The following ADCK1 variants were observed in gnomAD, a reference collection of about 807,000 sequenced individuals.
ADCK1 encodes the protein aarF domain containing kinase 1.
ADCK1 carries 41 observed loss-of-function variants against 52.3 expected under a neutral mutation model. The observed-to-expected ratio is 0.78, with a 90% CI of 0.61 to 1.02. The LOEUF is 1.02. Among genes scored for constraint, ADCK1 ranks in the 50% least tolerant of loss-of-function variants. ADCK1 has a pLI of 0.00. For missense variants in ADCK1, 658 were observed against 679.5 expected, an observed-to-expected ratio of 0.97 and a Z score of 0.35; for synonymous variants, 250 against 274.6, an observed-to-expected ratio of 0.91 and a Z score of 0.89.
intron 3 of ADCK1, among the ~76,000 whole-genome samples, chr14:77,837,935 C>A (rs764172839): frequency 9.2e-5 from 14 of 152,148 alleles, no homozygotes; most frequent in Admixed American, 2.0e-4. Flanking sequence ...GTGGCCACAG[C>A]TCCAAAATGC....
intron 2 of ADCK1, among the ~76,000 whole-genome samples, chr14:77,821,394 CT>C (rs1050331824): frequency 1.3e-5 from 2 of 152,130 alleles, no homozygotes; most frequent in Non-Finnish European, 1.5e-5. Flanking sequence ...TAGGATAAAG[CT>C]TTGTAGAGTG....
intron 3 of ADCK1, among the ~76,000 whole-genome samples, chr14:77,849,719 T>TA (rs1295499845): frequency 6.6e-6 from 1 of 152,164 alleles, no homozygotes; most frequent in Non-Finnish European, 1.5e-5. Context: ...CCCTAAGTGC[T>TA]AGGATTACAG....
At chr14:77,823,177 A>G (rs573668961) in intron 3 of ADCK1, among the ~76,000 whole-genome samples, 38 of 152,248 alleles carry the variant, frequency 2.5e-4, no homozygotes, top group African/African-American at 9.1e-4. Flanking sequence ...ATCAAACAAG[A>G]GGGCATTTTT....
chr14:77,922,543 C>A (rs61992964), intron 7 of ADCK1, among the ~76,000 whole-genome samples: 41,347 of 152,066 alleles, frequency 0.27, 6,038 homozygotes, highest in East Asian at 0.4. Flanking sequence ...TTCCCAGTGA[C>A]CCCTGAGAGT....
intron 1 of ADCK1, among the ~76,000 whole-genome samples, chr14:77,805,390 T>A (rs2081202109): frequency 6.7e-6 from 1 of 149,134 alleles, no homozygotes; most frequent in Non-Finnish European, 1.5e-5. Flanking sequence ...GCCTCCCGAG[T>A]AACTGGGATT....
At chr14:77,914,094 T>C (rs61990752) in intron 7 of ADCK1, among the ~76,000 whole-genome samples, 21,484 of 152,122 alleles carry the variant, frequency 0.14, 1,739 homozygotes, top group African/African-American at 0.19. Context: ...TCAGAGGTGC[T>C]GGAGTCCCTC....
In ADCK1 at chr14:77,925,761, T is replaced by C; in HGVS notation, c.1009-3T>C. 2 of 1,614,022 alleles carry C rather than the reference T, an allele frequency of 1.2e-6. No homozygotes were observed. The highest frequency in any genetic ancestry group is 2.2e-5 in the South Asian group (2 of 91,084). ...GGTCCCACCGCTGCCGCCTCCACCC[T>C]AGATGCTCACGGAAGAATTCCGCCT... is the stretch of plus-strand genomic sequence containing the variant. On this transcript the variant is annotated splice_polypyrimidine_tract_variant and splice_region_variant and intron_variant, in intron 8 of 10. Coordinates refer to ENST00000238561, the MANE Select transcript of ADCK1 (RefSeq NM_020421.4).
At chr14:77,871,850 A>G (rs1489342140) in intron 4 of ADCK1, among the ~76,000 whole-genome samples, 3 of 152,092 alleles carry the variant, frequency 2.0e-5, no homozygotes, top group Non-Finnish European at 2.9e-5. Context: ...TATTATTCCT[A>G]TTTCACAGAG....
intron 9 of ADCK1, 147 bp downstream of exon 9, chr14:77,926,108 A>G: frequency 3.1e-6 from 3 of 960,202 alleles, no homozygotes; most frequent in Non-Finnish European, 4.6e-6. Flanking sequence ...TATATTGGAC[A>G]AGAAGAGAAA....
chr14:77,819,079 T>G lies in ADCK1; in HGVS notation c.101T>G (p.Phe34Cys). 6.2e-7 allele frequency: 1 copy of G among 1,613,880 alleles called. No homozygotes were observed. Among genetic ancestry groups the G allele is most frequent in the South Asian group, 1.1e-5 (1 of 91,052 alleles). ...YSNKYLDPNDFGAVRVGRAVA... is the reference protein window; with the variant it reads ...YSNKYLDPNDCGAVRVGRAVA... ...AACAAGTACTTGGACCCTAATGACT[T>G]TGGCGCTGTCAGGGTGGGCAGAGCA... The change falls in exon 2 of 11, where the codon TTT becomes TGT. Residue 34 changes from phenylalanine (F) to cysteine (C), a missense_variant. Phe to Cys is a radical substitution (Grantham distance 205, BLOSUM62 -2). Transcript: ENST00000238561.
At chr14:77,911,146 A>G (rs1008138287) in intron 7 of ADCK1, among the ~76,000 whole-genome samples, 6 of 152,194 alleles carry the variant, frequency 3.9e-5, no homozygotes, top group Admixed American at 3.9e-4. Flanking sequence ...CCTATACAGT[A>G]TATATTATTA....
chr14:77,815,608 C>A (rs1196754169), intron 1 of ADCK1, among the ~76,000 whole-genome samples: 1 of 151,352 alleles, frequency 6.6e-6, no homozygotes, highest in Non-Finnish European at 1.5e-5. Context: ...CAACCTCCGC[C>A]TCCTGGGTTA....
intron 10 of ADCK1, among the ~76,000 whole-genome samples, chr14:77,932,026 TTTTA>T (rs939011891): frequency 7.2e-5 from 11 of 152,180 alleles, no homozygotes; most frequent in African/African-American, 2.4e-4. Context: ...TCTCAGATCT[TTTTA>T]TTTATTTATT....
At chr14:77,819,718 GACA>G (rs2081540728) in intron 2 of ADCK1, among the ~76,000 whole-genome samples, 2 of 152,198 alleles carry the variant, frequency 1.3e-5, no homozygotes, top group South Asian at 2.1e-4. Context: ...TAATTCTGCT[GACA>G]ACAACTCTCC....
chr14:77,907,768 C>T (rs969950590), intron 6 of ADCK1, 35 bp from the exon 7 acceptor site: 90 of 1,547,146 alleles, frequency 5.8e-5, no homozygotes, highest in Non-Finnish European at 7.5e-5. Context: ...TTCCCAGCTT[C>T]CCCAGACCAT....
At position 77,931,660 on chromosome 14, in the gene ADCK1, G is replaced by C; in HGVS notation, c.1349G>C (p.Ser450Thr). Residue 450 changes from serine to threonine, a missense_variant, in exon 10 of 11, where the codon AGC becomes ACC. Transcript: ENST00000238561. The part of the protein sequence containing the change: ...GIEAALGTRA[S>T]ASSFLNMSRC... Reference sequence around the variant, plus strand: ...GAGGCCGCCCTGGGCACCCGCGCCAGCGCCAGCTCCTTTCTCAACATGTCA... The same window carrying C: ...GAGGCCGCCCTGGGCACCCGCGCCACCGCCAGCTCCTTTCTCAACATGTCA... 6.2e-7 allele frequency: 1 copy of C among 1,609,910 alleles called. No homozygotes were observed. The highest frequency in any genetic ancestry group is 8.5e-7 in the Non-Finnish European group (1 of 1,180,008).
At chr14:77,820,129 C>T (rs1407306871) in intron 2 of ADCK1, among the ~76,000 whole-genome samples, 3 of 152,028 alleles carry the variant, frequency 2.0e-5, no homozygotes, top group Admixed American at 6.6e-5. Flanking sequence ...GACCCAGCTA[C>T]GAAGTAGCTT....
chr14:77,854,605 G>A (rs2082379541), intron 3 of ADCK1, among the ~76,000 whole-genome samples: 1 of 145,892 alleles, frequency 6.9e-6, no homozygotes, highest in Non-Finnish European at 1.5e-5. Context: ...CATCCAGGCT[G>A]GAGTGTAGTG....
Position 77,839,699 on chromosome 14 carries a change from C to G in ADCK1, c.219+17181C>G, listed in dbSNP as rs138543868. 7.8e-3 allele frequency among the ~76,000 whole-genome samples: 1,177 copies of G among 151,764 alleles called. 15 individuals carry two copies. Among genetic ancestry groups the G allele is most frequent in the African/African-American group, 0.027 (1,107 of 41,374 alleles). On this transcript the variant is annotated intron_variant, in intron 3 of 10. Transcript: ENST00000238561. ...CTGTAATCCCAGCACTTTGGGAGGCCGATGCAGGTGGATGACGTGAGATCA... is the reference window on the plus strand; with the variant it reads ...CTGTAATCCCAGCACTTTGGGAGGCGGATGCAGGTGGATGACGTGAGATCA...
Sources: gnomAD v4.1 joint callset for allele counts (sites outside exome capture counted in the v4.1 genomes callset) on GRCh38, gnomAD v4.1.1 for gene constraint, MANE v1.5 for transcripts, NCBI Gene and HGNC (gene_info 2026-07-23, HGNC 2026-07-21) for gene names.